The following BSN variants were observed in gnomAD, a reference collection of about 807,000 sequenced individuals.
The protein encoded by BSN is bassoon presynaptic cytomatrix protein.
A neutral mutation model predicts 264.8 loss-of-function variants in BSN; 57 were observed. The observed-to-expected ratio is 0.22, with a 90% confidence interval of 0.17 to 0.27. BSN has a LOEUF of 0.27. BSN is among the 10% of genes least tolerant of loss of function. The pLI, the probability that BSN is intolerant of heterozygous loss-of-function variation, is 1.00. For synonymous variants in BSN, 2,059 were observed against 2,137.3 expected (o/e 0.96, Z 1.01); for missense variants, 4,615 against 5,232.5 (o/e 0.88, Z 3.64).
At chr3:49,559,554 A>G (rs1352770412) in intron 1 of BSN, among the ~76,000 whole-genome samples, 1 of 152,200 alleles carries the variant, frequency 6.6e-6, no homozygotes, top group African/African-American at 2.4e-5. Flanking sequence ...TCAGGATTCT[A>G]CTTTTCTGAT....
At position 49,596,273 on chromosome 3, in the gene BSN, G is replaced by A. The variant is rs564325207; in HGVS notation, c.225-28702G>A. Among the ~76,000 whole-genome samples, 4 of 152,146 alleles carry A rather than the reference G, an allele frequency of 2.6e-5. No individual in the cohort carries two copies. The South Asian group carries it at 6.3e-4, about 24-fold the overall frequency. ...TAAAAAATTAGCCGGGTGTGGTGGC[G>A]GGTGCCTGTAGTCCCAGCTACTCGG... On this transcript the variant is annotated intron_variant, in intron 1 of 11. Transcript: ENST00000296452.
At position 49,662,333 on chromosome 3, in the gene BSN, C is replaced by A. The variant is rs137979821; in HGVS notation, c.10488C>A (p.Pro3496=). 3.0e-5 allele frequency: 49 copies of A among 1,613,478 alleles called. No individual in the cohort carries two copies. Among genetic ancestry groups the A allele is most frequent in the African/African-American group, 1.3e-4 (10 of 74,940 alleles). ...LSMAHSRVRP[P]MRSQASEEES... ...TGGCCCACAGCCGGGTACGACCCCC[C>A]ATGCGGAGCCAGGCCTCTGAAGAGG... Residue 3496 remains proline (P), a synonymous_variant, in exon 6 of 12, where the codon CCC becomes CCA. Coordinates refer to ENST00000296452, the MANE Select transcript of BSN (RefSeq NM_003458.4).
intron 1 of BSN, among the ~76,000 whole-genome samples, chr3:49,580,432 C>T (rs534673189): frequency 3.6e-4 from 55 of 152,160 alleles, no homozygotes; most frequent in African/African-American, 9.2e-4. Context: ...TGGTTTATTA[C>T]GTATTACATT....
At position 49,670,940 on chromosome 3, in the gene BSN, C is replaced by G. The variant is rs575124607; in HGVS notation, c.*3455C>G. On this transcript the variant is annotated 3_prime_UTR_variant, in exon 12 of 12. Coordinates refer to ENST00000296452, the MANE Select transcript of BSN (RefSeq NM_003458.4). ...TGTTGTCCCGTCTGCTCTCCTCTTACCCACCCCCATGCTGTAAATACTTGT... is the reference window on the plus strand; with the variant it reads ...TGTTGTCCCGTCTGCTCTCCTCTTAGCCACCCCCATGCTGTAAATACTTGT... 12 of 152,346 alleles carry G rather than the reference C, an allele frequency of 7.9e-5. No homozygotes were observed. The highest frequency in any genetic ancestry group is 7.2e-4 in the Admixed American group (11 of 15,300). The allele number at this position is 152,346 out of a possible 1,614,324, so 9.4% of individuals were successfully genotyped here. A position where few individuals can be genotyped will look rare whatever the true frequency, so the allele number is the denominator to read the frequency against.
chr3:49,671,860 G>A (rs531243110), downstream of BSN, among the ~76,000 whole-genome samples: 1 of 152,204 alleles, frequency 6.6e-6, no homozygotes, highest in African/African-American at 2.4e-5. The surrounding 1 kb of genome is among the most constrained non-coding windows in gnomAD (Gnocchi z 4.1). Context: ...TGGTTCCAGG[G>A]AGGCAGTGAA....
chr3:49,585,010 C>T lies in BSN; in HGVS notation c.224+30184C>T, dbSNP rs866287831. Among the ~76,000 whole-genome samples, 2 of 152,118 alleles carry T rather than the reference C, an allele frequency of 1.3e-5. No homozygotes were observed. ...GCTGAGTAGTACTCCACTGTATATA[C>T]GTGCCACATTTTCTTTATCCATTCA... On this transcript the variant is annotated intron_variant, in intron 1 of 11. Transcript: ENST00000296452. This position sits in a 1 kb window ranked among gnomAD's most constrained non-coding sequence, Gnocchi z 4.7.
intron 1 of BSN, among the ~76,000 whole-genome samples, chr3:49,612,323 G>A (rs1575437628): frequency 6.6e-6 from 1 of 152,286 alleles, no homozygotes; most frequent in East Asian, 1.9e-4. Context: ...TTTTAGCAGA[G>A]ATGGGGTTTC....
rs1034126010 is a variant in BSN at position 49,652,035 on chromosome 3, C to T, written c.2479C>T (p.Pro827Ser). 10 of 1,610,578 alleles carry T rather than the reference C, an allele frequency of 6.2e-6. No individual in the cohort carries two copies. The highest frequency in any genetic ancestry group is 8.5e-6 in the Non-Finnish European group (10 of 1,177,634). ...CAGTGAGGGTGGCCTGTCCCCTCTT[C>T]CACCCCAGCCCCCAGCCCGGGCAGC... ...DSSEGGLSPLPPQPPARAAEL... is the reference protein window; with the variant it reads ...DSSEGGLSPLSPQPPARAAEL... Residue 827 changes from proline (P) to serine (S), a missense_variant, in exon 5 of 12, where the codon CCA (proline) becomes TCA (serine). Pro to Ser is a moderately conservative substitution (Grantham distance 74). Transcript: ENST00000296452.
rs774364849 is a variant in BSN, at chr3:49,642,845, C to T, written c.1211C>T (p.Pro404Leu). 6.2e-7 allele frequency: 1 copy of T among 1,613,390 alleles called. No individual in the cohort carries two copies. The highest frequency in any genetic ancestry group is 1.1e-5 in the South Asian group (1 of 91,074). ...GGCCCAAAACCCTTGGGCTCAGGGC[C>T]CGGGCCTGGGCCAGCACCTGGAGCC... ...EAGPKPLGSG[P>L]GPGPAPGAKT... Residue 404 changes from proline to leucine, a missense_variant, in exon 3 of 12, where the codon CCC becomes CTC. This residue lies in a region of BSN where 1,197 missense variants were observed against 1,348.0 expected (regional missense o/e 0.89). Transcript: ENST00000296452. This position sits in a 1 kb window ranked among gnomAD's most constrained non-coding sequence, Gnocchi z 7.0.
rs1189579022 is a variant in BSN at position 49,589,081 on chromosome 3, A to C, written c.224+34255A>C. On this transcript the variant is annotated intron_variant, in intron 1 of 11. Coordinates refer to ENST00000296452, the MANE Select transcript of BSN (RefSeq NM_003458.4). ...AGGCGCCTGCCACCACGCCTGGCTA[A>C]ATTTTTTTTTTTTTTGTATTTTTTA... Among the ~76,000 whole-genome samples the C allele has an allele frequency of 1.4e-4, 4 of 29,478 alleles. No individual in the cohort carries two copies. In the East Asian group the frequency reaches 0.015, roughly 109 times the overall value. 19.3% of individuals were successfully genotyped at this position (29,478 alleles called of 152,430 possible). A position where few individuals can be genotyped will look rare whatever the true frequency, so the allele number is the denominator to read the frequency against.
Position 49,654,665 on chromosome 3 carries a change from C to A in BSN, c.5109C>A (p.Ile1703=). The A allele has an allele frequency of 6.2e-7, 1 of 1,613,836 alleles. No individual in the cohort carries two copies. The highest frequency in any genetic ancestry group is 8.5e-7 in the Non-Finnish European group (1 of 1,180,030). Residue 1703 remains isoleucine (I), a synonymous_variant, in exon 5 of 12, where the codon ATC becomes ATA. Coordinates refer to ENST00000296452, the MANE Select transcript of BSN (RefSeq NM_003458.4). This position sits in a 1 kb window ranked among gnomAD's most constrained non-coding sequence, Gnocchi z 4.1. ...ARKYGLALDP[I]PGRQSTAVQP... ...AGTATGGTCTTGCCCTGGATCCAAT[C>A]CCAGGACGGCAGTCGACCGCCGTGC...
chr3:49,668,509 G>A lies in BSN; in HGVS notation c.*1024G>A, dbSNP rs1406129482. The A allele has an allele frequency of 6.6e-6, 1 of 152,550 alleles. No individual in the cohort carries two copies. Among genetic ancestry groups the A allele is most frequent in the Admixed American group, 6.5e-5 (1 of 15,286 alleles). 9.4% of individuals were successfully genotyped at this position (152,550 alleles called of 1,614,324 possible). On this transcript the variant is annotated 3_prime_UTR_variant, in exon 12 of 12. Coordinates refer to ENST00000296452, the MANE Select transcript of BSN (RefSeq NM_003458.4). ...GATGGTTTGGTTTCCTCTCTGCTCT[G>A]CCCCTGCTCAGCACAGGGAGAATGT...
At chr3:49,570,709 T>C (rs1224943682) in intron 1 of BSN, among the ~76,000 whole-genome samples, 4 of 152,210 alleles carry the variant, frequency 2.6e-5, no homozygotes, top group African/African-American at 7.2e-5. Flanking sequence ...GTTCTCCCTG[T>C]ATTCAAATTA....
intron 1 of BSN, among the ~76,000 whole-genome samples, chr3:49,614,502 A>G (rs2052243219): frequency 6.6e-6 from 1 of 152,242 alleles, no homozygotes; most frequent in Non-Finnish European, 1.5e-5. Context: ...GGTAAACGCC[A>G]CATGAACCAC....
intron 1 of BSN, among the ~76,000 whole-genome samples, chr3:49,621,390 G>A (rs2052304357): frequency 6.6e-6 from 1 of 152,224 alleles, no homozygotes; most frequent in South Asian, 2.1e-4. Context: ...AAGGAGTGGT[G>A]TTCTGGGGTT....
At position 49,671,254 on chromosome 3, in the gene BSN, C is replaced by G; in HGVS notation, c.*3769C>G. On this transcript the variant is annotated 3_prime_UTR_variant, in exon 12 of 12. Coordinates refer to ENST00000296452, the MANE Select transcript of BSN (RefSeq NM_003458.4). This position sits in a 1 kb window ranked among gnomAD's most constrained non-coding sequence, Gnocchi z 4.1. Reference sequence around the variant, plus strand: ...ACTACCCTGGAGAGTGGTGGCCACTCAATACCTTTTCCTCTAGCTTTCATG... The same window carrying G: ...ACTACCCTGGAGAGTGGTGGCCACTGAATACCTTTTCCTCTAGCTTTCATG... 6.6e-6 allele frequency: 1 copy of G among 152,506 alleles called. No homozygotes were observed. 9.4% of individuals were successfully genotyped at this position (152,506 alleles called of 1,614,324 possible). A position where few individuals can be genotyped will look rare whatever the true frequency, so the allele number is the denominator to read the frequency against.
chr3:49,639,079 C>A (rs2052441083), intron 2 of BSN, among the ~76,000 whole-genome samples: 1 of 152,214 alleles, frequency 6.6e-6, no homozygotes, highest in Non-Finnish European at 1.5e-5. Flanking sequence ...AAGCCCCTCC[C>A]TCCCAAGAAT....
intron 1 of BSN, among the ~76,000 whole-genome samples, chr3:49,571,292 G>A (rs1470422749): frequency 2.0e-5 from 3 of 152,156 alleles, no homozygotes; most frequent in Admixed American, 2.0e-4. Flanking sequence ...GGACAGGGAA[G>A]AGGAGCCTGG....
chr3:49,565,982 C>G (rs1169181342), intron 1 of BSN, among the ~76,000 whole-genome samples: 1 of 152,126 alleles, frequency 6.6e-6, no homozygotes. Context: ...ACCACCATTC[C>G]TGACTAATTT....
Sources: allele counts gnomAD v4.1 joint callset (sites outside exome capture counted in the v4.1 genomes callset), GRCh38; gene constraint gnomAD v4.1.1; regional missense constraint gnomAD v4.1.1; non-coding constraint Gnocchi (gnomAD v3.1); transcripts MANE v1.5; gene names NCBI Gene and HGNC (gene_info 2026-07-23, HGNC 2026-07-21).